SH3D19: variants seen among roughly 807,000 people sequenced by gnomAD.
The protein encoded by SH3D19 is SH3 domain containing 19, also known as SH3 domain-containing protein 19.
In SH3D19, 58 loss-of-function variants were observed where a neutral mutation model predicts 112.1. The ratio of observed to expected loss-of-function variants is 0.52; its 90% CI spans 0.42 to 0.64. SH3D19 has a LOEUF of 0.64. Ranked by LOEUF, SH3D19 falls within the 30% of genes least tolerant of loss-of-function variation. The pLI is 0.00. For synonymous variants in SH3D19, 391 were observed against 448.5 expected, an observed-to-expected ratio of 0.87 and a Z score of 1.62; for missense variants, 1,090 against 1,263.4, an observed-to-expected ratio of 0.86 and a Z score of 2.08.
chr4:151,130,452 CA>C (rs1025062976), intron 17 of SH3D19, among the ~76,000 whole-genome samples: 46 of 151,514 alleles, frequency 3.0e-4, no homozygotes, highest in African/African-American at 1.1e-3. Flanking sequence ...CAAAACAAAA[CA>C]AAACAAAAAA....
intron 1 of SH3D19, among the ~76,000 whole-genome samples, chr4:151,253,756 CAAG>C (rs1235201625): frequency 6.5e-4 from 92 of 141,410 alleles, no homozygotes; most frequent in African/African-American, 2.2e-3. Context: ...AAAAAAAAAA[CAAG>C]AAAACAACAA....
chr4:151,193,633 T>G (rs1044641841), intron 2 of SH3D19, among the ~76,000 whole-genome samples: 2 of 152,202 alleles, frequency 1.3e-5, no homozygotes, highest in African/African-American at 4.8e-5. Flanking sequence ...GTGACTTTAC[T>G]AAGATGGAAC....
Position 151,175,123 on chromosome 4 carries a change from T to G in SH3D19, c.1081A>C (p.Lys361Gln), listed in dbSNP as rs927575142. 8 of 1,613,984 alleles carry G rather than the reference T, an allele frequency of 5.0e-6. No homozygotes were observed. In the African/African-American group the frequency reaches 9.3e-5, roughly 19 times the overall value. ...GGAGGGTATGGGGTGAGTCCTTCCTTGGAGGTCACCTTGAGTCTGTTCTCA... is the reference window on the plus strand; with the variant it reads ...GGAGGGTATGGGGTGAGTCCTTCCTGGGAGGTCACCTTGAGTCTGTTCTCA... ...GTENRLKVTS[K>Q]EGLTPYPPLQ... The change falls in exon 7 of 20, where the codon AAG becomes CAG. Residue 361 changes from lysine to glutamine, a missense_variant. Lys to Gln is a moderately conservative substitution (Grantham distance 53). Transcript: ENST00000604030.
intron 2 of SH3D19, among the ~76,000 whole-genome samples, chr4:151,195,923 T>TAAA: frequency 7.8e-6 from 1 of 127,782 alleles, no homozygotes; most frequent in South Asian, 2.5e-4. Context: ...GAGAAGTTCT[T>TAAA]AAAAAAAAAA....
At chr4:151,254,975 TG>T (rs1771719920) in intron 1 of SH3D19, among the ~76,000 whole-genome samples, 1 of 133,778 alleles carries the variant, frequency 7.5e-6, no homozygotes, top group Non-Finnish European at 1.6e-5. Flanking sequence ...CCCTCCCGGA[TG>T]GGGCGGCTGG....
In SH3D19 at chr4:151,174,993, G is replaced by A. The variant is rs773187322; in HGVS notation, c.1211C>T (p.Pro404Leu). The A allele has an allele frequency of 9.9e-6, 16 of 1,614,068 alleles. No individual in the cohort carries two copies. The Admixed American group carries it at 1.7e-4, about 17-fold the overall frequency. Residue 404 changes from proline (P) to leucine (L), a missense_variant, in exon 7 of 20, where the codon CCC becomes CTC. By Grantham distance (98) the Pro-to-Leu change is moderately conservative. Coordinates refer to ENST00000604030, the MANE Select transcript of SH3D19 (RefSeq NM_001378122.1). Reference sequence around the variant, plus strand: ...CCCACTATCAGAGCTCTCAGCCAGGGGCCCTCTTCCCGGAATCTCAGGATT... The same window carrying A: ...CCCACTATCAGAGCTCTCAGCCAGGAGCCCTCTTCCCGGAATCTCAGGATT... ...SVNPEIPGRG[P>L]LAESSDSGKK...
At chr4:151,322,446 A>G (rs1730637108) in intron 1 of SH3D19, among the ~76,000 whole-genome samples, 2 of 151,322 alleles carry the variant, frequency 1.3e-5, no homozygotes, top group African/African-American at 4.9e-5. Context: ...AAAAAAAAAA[A>G]AAAAAAAAAC....
intron 9 of SH3D19, among the ~76,000 whole-genome samples, chr4:151,158,137 T>C (rs1337580838): frequency 1.3e-5 from 2 of 152,148 alleles, no homozygotes; most frequent in Non-Finnish European, 2.9e-5. Flanking sequence ...ACAGATATGC[T>C]TACTACCCTG....
At chr4:151,293,138 A>T (rs984045091) in intron 1 of SH3D19, among the ~76,000 whole-genome samples, 6 of 149,672 alleles carry the variant, frequency 4.0e-5, no homozygotes, top group African/African-American at 1.5e-4. Flanking sequence ...ATAAAATAAA[A>T]TATAAAGTAC....
In SH3D19 at chr4:151,159,264, A is replaced by C; in HGVS notation, c.1731T>G (p.Ser577Arg). Reference protein sequence around the residue: ...NTFSTVSGKLSNVERTRNLES... With the variant: ...NTFSTVSGKLRNVERTRNLES... ...CCAAGTTTCTAGTTCTCTCAACATT[A>C]CTGAGCTTTCCAGATACTGTACTGA... The change falls in exon 9 of 20, where the codon AGT (serine) becomes AGG (arginine). Residue 577 changes from serine to arginine, a missense_variant. Coordinates refer to ENST00000604030, the MANE Select transcript of SH3D19 (RefSeq NM_001378122.1). The C allele has an allele frequency of 6.4e-7, 1 of 1,552,102 alleles. No individual in the cohort carries two copies. Among genetic ancestry groups the C allele is most frequent in the Non-Finnish European group, 8.6e-7 (1 of 1,158,724 alleles).
intron 11 of SH3D19, among the ~76,000 whole-genome samples, chr4:151,146,361 C>T (rs1392970874): frequency 6.7e-6 from 1 of 149,208 alleles, no homozygotes; most frequent in Non-Finnish European, 1.5e-5. Flanking sequence ...CAGTGGCATG[C>T]TCTTGGCTCA....
intron 2 of SH3D19, among the ~76,000 whole-genome samples, chr4:151,207,805 G>A (rs1419744530): frequency 6.6e-6 from 1 of 152,216 alleles, no homozygotes; most frequent in Non-Finnish European, 1.5e-5. Context: ...CCTGGCTTGA[G>A]TTGAGAGAAT....
At chr4:151,165,932 T>G in intron 7 of SH3D19, 1 of 419,682 alleles carries the variant, frequency 2.4e-6, no homozygotes, top group Non-Finnish European at 4.3e-6. Flanking sequence ...AGATTGAGGA[T>G]GATCTTGAAT....
At chr4:151,198,320 A>G (rs1428232889) in intron 2 of SH3D19, among the ~76,000 whole-genome samples, 23 of 77,176 alleles carry the variant, frequency 3.0e-4, no homozygotes, top group African/African-American at 6.5e-4. Flanking sequence ...AAAAAAAAAT[A>G]TATATATAAT....
At chr4:151,235,302 G>T (rs1310526373) in intron 1 of SH3D19, among the ~76,000 whole-genome samples, 1 of 151,876 alleles carries the variant, frequency 6.6e-6, no homozygotes. Context: ...GGTTTTCTGT[G>T]GGTTTTTAAT....
At chr4:151,245,298 C>T (rs1393805551) in intron 1 of SH3D19, among the ~76,000 whole-genome samples, 1 of 149,744 alleles carries the variant, frequency 6.7e-6, no homozygotes, top group Admixed American at 6.7e-5. Flanking sequence ...ACTGAGTTCC[C>T]TGATTCAGTT....
intron 1 of SH3D19, among the ~76,000 whole-genome samples, chr4:151,288,611 G>C (rs567291636): frequency 6.6e-6 from 1 of 152,002 alleles, no homozygotes; most frequent in Non-Finnish European, 1.5e-5. Flanking sequence ...GCTGGGCGTA[G>C]TGAGCTGAGA....
intron 2 of SH3D19, among the ~76,000 whole-genome samples, chr4:151,194,016 ATTTTTTTTTTTTTTT>A (rs201719037): frequency 3.0e-3 from 341 of 111,874 alleles, no homozygotes; most frequent in Middle Eastern, 0.013. Flanking sequence ...AGTAGGATTA[ATTTTTTTTTTTTTTT>A]TTTTTTTTTT....
intron 1 of SH3D19, chr4:151,262,754 C>G (rs1772478848): frequency 6.6e-6 from 1 of 151,414 alleles, no homozygotes; most frequent in African/African-American, 2.4e-5. Context: ...TTGAAGATTT[C>G]TAGGTCCTGG....
Sources: allele counts gnomAD v4.1 joint callset (sites outside exome capture counted in the v4.1 genomes callset), GRCh38; gene constraint gnomAD v4.1.1; transcripts MANE v1.5; gene names NCBI Gene and HGNC (gene_info 2026-07-23, HGNC 2026-07-21).